Variants in FAXDC2 observed in about 807,000 individuals in gnomAD.
FAXDC2 encodes fatty acid hydroxylase domain containing 2.
A neutral mutation model predicts 40.9 loss-of-function variants in FAXDC2; 41 were observed. The ratio of observed to expected loss-of-function variants is 1.00; its 90% CI spans 0.78 to 1.30. The LOEUF (loss-of-function observed/expected upper bound fraction) is 1.30, where lower values mean the gene tolerates loss of function less well. FAXDC2 is among the 50% of genes most tolerant of loss of function. The probability of loss-of-function intolerance (pLI) is 0.00; values close to 1 mark genes in which losing one functional copy is unlikely to be tolerated. For synonymous variants in FAXDC2, 157 were observed against 149.3 expected (o/e 1.05, Z -0.38); for missense variants, 390 against 408.8 (o/e 0.95, Z 0.40).
Position 154,830,904 on chromosome 5 carries a change from C to G in FAXDC2, c.263G>C (p.Cys88Ser). ...CCCATTGAAGCTCCAGAAGAAGAGA[C>G]AAGGCACTTGGATGGCACCTGAGAT... ...LFFIGAIQVP[C>S]LFFWSFNGLL... is the part of the protein sequence containing the mutation. Residue 88 changes from cysteine (C) to serine (S), a missense_variant, in exon 5 of 9, where the codon TGT becomes TCT. Coordinates refer to ENST00000326080, the MANE Select transcript of FAXDC2 (RefSeq NM_032385.5). 1 of 1,614,116 alleles carries G rather than the reference C, an allele frequency of 6.2e-7. No individual in the cohort carries two copies. Among genetic ancestry groups the G allele is most frequent in the Non-Finnish European group, 8.5e-7 (1 of 1,179,962 alleles).
chr5:154,847,335 C>T (rs1760621674), intron 1 of FAXDC2, among the ~76,000 whole-genome samples: 1 of 152,100 alleles, frequency 6.6e-6, no homozygotes, highest in Non-Finnish European at 1.5e-5. Context: ...ATAAATGACA[C>T]AGTGAAGCTA....
At chr5:154,848,943 G>T (rs1760670577) in intron 1 of FAXDC2, among the ~76,000 whole-genome samples, 1 of 151,838 alleles carries the variant, frequency 6.6e-6, no homozygotes, top group African/African-American at 2.4e-5. Context: ...CTCCAGCCTG[G>T]GCGCCAGAGC....
intron 1 of FAXDC2, chr5:154,838,613 T>C (rs1760410042): frequency 9.6e-6 from 2 of 207,258 alleles, no homozygotes; most frequent in Non-Finnish European, 1.9e-5. Context: ...GTTCTTTTTT[T>C]TTTGAGACAG....
At chr5:154,827,526 C>T (rs1334624766) in intron 5 of FAXDC2, among the ~76,000 whole-genome samples, 3 of 146,838 alleles carry the variant, frequency 2.0e-5, no homozygotes, top group Admixed American at 6.8e-5. Flanking sequence ...TCTTTGTTTA[C>T]TTCCATCCCA....
In FAXDC2 at chr5:154,819,743, T is replaced by C. The variant is rs1214910971; in HGVS notation, c.*573A>G. On this transcript the variant is annotated 3_prime_UTR_variant, in exon 9 of 9. Transcript: ENST00000326080. Reference sequence around the variant, plus strand: ...TCACTCAGAGTGTTTGGTGTGTGTATGTTTGTGTGTGTGTTGGGTGAAGTG... The same window carrying C: ...TCACTCAGAGTGTTTGGTGTGTGTACGTTTGTGTGTGTGTTGGGTGAAGTG... 1 of 153,092 alleles carries C rather than the reference T, an allele frequency of 6.5e-6. No individual in the cohort carries two copies. The highest frequency in any genetic ancestry group is 1.5e-5 in the Non-Finnish European group (1 of 68,386). The allele number at this position is 153,092 out of a possible 1,614,324, so 9.5% of individuals were successfully genotyped here. A position where few individuals can be genotyped will look rare whatever the true frequency, so the allele number is the denominator to read the frequency against.
rs1759795623 is a variant in FAXDC2 at position 154,818,715 on chromosome 5, A to C, written c.*1601T>G. 1.3e-5 allele frequency: 2 copies of C among 152,218 alleles called. No homozygotes were observed. Among genetic ancestry groups the C allele is most frequent in the African/African-American group, 4.8e-5 (2 of 41,454 alleles). 9.4% of individuals were successfully genotyped at this position (152,218 alleles called of 1,614,324 possible). A position where few individuals can be genotyped will look rare whatever the true frequency, so the allele number is the denominator to read the frequency against. On this transcript the variant is annotated 3_prime_UTR_variant, in exon 9 of 9. Transcript: ENST00000326080. Reference sequence around the variant, plus strand: ...GGCCCCTTACAGTACCTCAAAATCTAAAGGCCTTAAAGGGGAAAAAAACCG... The same window carrying C: ...GGCCCCTTACAGTACCTCAAAATCTCAAGGCCTTAAAGGGGAAAAAAACCG...
intron 5 of FAXDC2, among the ~76,000 whole-genome samples, chr5:154,826,983 T>C (rs1186301427): frequency 6.6e-6 from 1 of 152,180 alleles, no homozygotes; most frequent in African/African-American, 2.4e-5. Context: ...TTTTAACATT[T>C]TTCATAATTA....
At chr5:154,842,964 G>A (rs1760517032) in intron 1 of FAXDC2, among the ~76,000 whole-genome samples, 1 of 152,072 alleles carries the variant, frequency 6.6e-6, no homozygotes, top group Admixed American at 6.6e-5. Flanking sequence ...GAACCACCAG[G>A]CCCAGCTCAA....
intron 5 of FAXDC2, 170 bp downstream of exon 5, chr5:154,830,631 G>A (rs1760164281): frequency 4.5e-6 from 3 of 669,590 alleles, no homozygotes; most frequent in South Asian, 4.0e-5. Context: ...TGACTCTGAG[G>A]TTGTGGGCAA....
At position 154,820,438 on chromosome 5, in the gene FAXDC2, C is replaced by A; in HGVS notation, c.880G>T (p.Asp294Tyr). Residue 294 changes from aspartate (D) to tyrosine (Y), a missense_variant, in exon 9 of 9, where the codon GAC (aspartate) becomes TAC (tyrosine). Physicochemically the swap from Asp to Tyr is radical, Grantham distance 160. Coordinates refer to ENST00000326080, the MANE Select transcript of FAXDC2 (RefSeq NM_032385.5). ...NQCYGVLGVL[D>Y]HLHGTDTMFK... ...ATGGTGTCAGTCCCATGGAGGTGGTCCAGCACACCCAGCACCCCATAGCAC... is the reference window on the plus strand; with the variant it reads ...ATGGTGTCAGTCCCATGGAGGTGGTACAGCACACCCAGCACCCCATAGCAC... 6.2e-7 allele frequency: 1 copy of A among 1,612,766 alleles called. No individual in the cohort carries two copies. Among genetic ancestry groups the A allele is most frequent in the Non-Finnish European group, 8.5e-7 (1 of 1,179,524 alleles).
At position 154,820,417 on chromosome 5, in the gene FAXDC2, T is replaced by C; in HGVS notation, c.901A>G (p.Thr301Ala). The C allele has an allele frequency of 6.2e-7, 1 of 1,612,996 alleles. No individual in the cohort carries two copies. Among genetic ancestry groups the C allele is most frequent in the Non-Finnish European group, 8.5e-7 (1 of 1,179,784 alleles). Reference protein sequence around the residue: ...GVLDHLHGTDTMFKQTKAYER... With the variant: ...GVLDHLHGTDAMFKQTKAYER... ...TAGGCCTTGGTCTGCTTGAACATGGTGTCAGTCCCATGGAGGTGGTCCAGC... is the reference window on the plus strand; with the variant it reads ...TAGGCCTTGGTCTGCTTGAACATGGCGTCAGTCCCATGGAGGTGGTCCAGC... Residue 301 changes from threonine to alanine, a missense_variant, in exon 9 of 9, where the codon ACC (threonine) becomes GCC (alanine). Transcript: ENST00000326080.
intron 2 of FAXDC2, among the ~76,000 whole-genome samples, chr5:154,837,258 G>A (rs1760373102): frequency 6.6e-6 from 1 of 151,920 alleles, no homozygotes; most frequent in South Asian, 2.1e-4. Flanking sequence ...AGACCAATTG[G>A]AGGAACTTGC....
chr5:154,843,431 TG>T (rs1315199495), intron 1 of FAXDC2, among the ~76,000 whole-genome samples: 4 of 152,212 alleles, frequency 2.6e-5, no homozygotes, highest in Non-Finnish European at 5.9e-5. Context: ...GATGCAAAAA[TG>T]AGAAACTCTC....
chr5:154,834,539 T>C lies in FAXDC2; in HGVS notation c.244+86A>G, dbSNP rs951295403. 9 of 1,000,918 alleles carry C rather than the reference T, an allele frequency of 9.0e-6. No homozygotes were observed. The African/African-American group carries it at 1.3e-4, about 14-fold the overall frequency. 62.0% of individuals were successfully genotyped at this position (1,000,918 alleles called of 1,614,324 possible). Reference sequence around the variant, plus strand: ...TCCCTTGGAATAATAAACTGAAAAGTCCCAAAGTAGAGAACAAAACAACAA... The same window carrying C: ...TCCCTTGGAATAATAAACTGAAAAGCCCCAAAGTAGAGAACAAAACAACAA... On this transcript the variant is annotated intron_variant, in intron 4 of 8. Transcript: ENST00000326080.
At chr5:154,824,947 G>T (rs1334304652) in intron 5 of FAXDC2, among the ~76,000 whole-genome samples, 1 of 151,770 alleles carries the variant, frequency 6.6e-6, no homozygotes, top group Non-Finnish European at 1.5e-5. Context: ...GCTGGATGTG[G>T]TGGTGTGCAC....
At chr5:154,820,540 T>C (rs979780875) in intron 8 of FAXDC2, 68 bp from the exon 9 acceptor site, 1 of 1,364,786 alleles carries the variant, frequency 7.3e-7, no homozygotes, top group African/African-American at 1.5e-5. Context: ...ATTTCATTTG[T>C]GCCAGCCTCA....
At chr5:154,839,325 C>CAAAAA (rs746822715) in intron 1 of FAXDC2, among the ~76,000 whole-genome samples, 2 of 92,768 alleles carry the variant, frequency 2.2e-5, no homozygotes, top group East Asian at 2.9e-4. Context: ...GACTCCATCT[C>CAAAAA]AAAAAAAAAA....
In FAXDC2 at chr5:154,820,274, C is replaced by T; in HGVS notation, c.*42G>A. ...TGCAATCAGGAAGCCGTGTCTGCAT[C>T]CCATGGCTGAGGGACAGCCAGGATG... On this transcript the variant is annotated 3_prime_UTR_variant, in exon 9 of 9. Transcript: ENST00000326080. 4 of 1,517,624 alleles carry T rather than the reference C, an allele frequency of 2.6e-6. No individual in the cohort carries two copies. The highest frequency in any genetic ancestry group is 3.6e-6 in the Non-Finnish European group (4 of 1,120,208). 94.0% of individuals were successfully genotyped at this position (1,517,624 alleles called of 1,614,324 possible). A position where few individuals can be genotyped will look rare whatever the true frequency, so the allele number is the denominator to read the frequency against.
chr5:154,840,952 A>G (rs1336047461), intron 1 of FAXDC2, among the ~76,000 whole-genome samples: 4 of 152,138 alleles, frequency 2.6e-5, no homozygotes, highest in Admixed American at 2.6e-4. Flanking sequence ...GAAGGAGGTG[A>G]TAAGCAAGCT....
Sources: gnomAD v4.1 joint callset for allele counts (sites outside exome capture counted in the v4.1 genomes callset) on GRCh38, gnomAD v4.1.1 for gene constraint, MANE v1.5 for transcripts, NCBI Gene and HGNC (gene_info 2026-07-23, HGNC 2026-07-21) for gene names.